COL19A1: variants seen among roughly 807,000 people sequenced by gnomAD.
COL19A1 encodes collagen alpha-1(XIX) chain.
COL19A1 carries 159 observed loss-of-function variants against 190.2 expected under a neutral mutation model. That is an observed-to-expected ratio of 0.84 (90% CI 0.73 to 0.95). COL19A1 has a LOEUF of 0.95. Among genes scored for constraint, COL19A1 ranks in the 40% least tolerant of loss-of-function variants. COL19A1 has a pLI of 0.00. For synonymous variants in COL19A1, 509 were observed against 458.9 expected, an observed-to-expected ratio of 1.11 and a Z score of -1.39; for missense variants, 1,418 against 1,431.9, an observed-to-expected ratio of 0.99 and a Z score of 0.16.
intron 14 of COL19A1, among the ~76,000 whole-genome samples, chr6:70,055,781 T>TAAAAAAAAA (rs55871207): frequency 0.019 from 2,198 of 116,386 alleles, 67 homozygotes; most frequent in African/African-American, 0.074. Context: ...AACTCTGTAT[T>TAAAAAAAAA]AAAAAAAAAA....
At chr6:69,910,845 T>C (rs1770864191) in intron 4 of COL19A1, among the ~76,000 whole-genome samples, 2 of 152,190 alleles carry the variant, frequency 1.3e-5, no homozygotes, top group Non-Finnish European at 2.9e-5. Context: ...ACTTCAGTCT[T>C]ATCTTTAATC....
At chr6:70,098,296 G>C (rs1783409838) in intron 15 of COL19A1, 5 of 397,382 alleles carry the variant, frequency 1.3e-5, no homozygotes, top group South Asian at 1.1e-4. Flanking sequence ...AAGTATCCTA[G>C]CTTAAGGAGT....
Position 70,184,913 on chromosome 6 carries a change from C to T in COL19A1, c.2854C>T (p.Arg952Cys), listed in dbSNP as rs756876459. The change falls in exon 46 of 51, where the codon CGT becomes TGT. Residue 952 changes from arginine to cysteine, a missense_variant and splice_region_variant. Transcript: ENST00000620364. ...KPGDRGPKGERGDQGIPGDRG... is the reference protein window; with the variant it reads ...KPGDRGPKGECGDQGIPGDRG... ...TGGAGACAGAGGCCCCAAAGGAGAA[C>T]GTGTATGTATATTACTATTGTGATT... is the stretch of plus-strand genomic sequence containing the variant. The T allele has an allele frequency of 6.2e-6, 10 of 1,611,996 alleles. No homozygotes were observed. The highest frequency in any genetic ancestry group is 5.5e-5 in the South Asian group (5 of 90,868).
chr6:69,918,523 T>C (rs1007470378), intron 4 of COL19A1, among the ~76,000 whole-genome samples: 10 of 151,882 alleles, frequency 6.6e-5, no homozygotes, highest in South Asian at 2.1e-4. Context: ...ATGGCGAAAT[T>C]CCATCTCTAC....
chr6:70,179,782 A>T (rs1273484605), intron 42 of COL19A1, among the ~76,000 whole-genome samples: 1 of 152,132 alleles, frequency 6.6e-6, no homozygotes, highest in Admixed American at 6.6e-5. Flanking sequence ...ATCCACACAA[A>T]TATATATTCG....
intron 14 of COL19A1, among the ~76,000 whole-genome samples, chr6:70,065,985 T>G: frequency 6.6e-6 from 1 of 152,138 alleles, no homozygotes; most frequent in East Asian, 1.9e-4. Context: ...ATAGGAACAC[T>G]TTTACACTGT....
chr6:69,897,431 T>TA (rs1333064622), intron 2 of COL19A1, among the ~76,000 whole-genome samples: 3 of 151,202 alleles, frequency 2.0e-5, no homozygotes, highest in Non-Finnish European at 4.4e-5. Context: ...TAGTTTCATG[T>TA]AAATTTGAGA....
chr6:69,881,704 A>G (rs1264118793), intron 2 of COL19A1, among the ~76,000 whole-genome samples: 1 of 152,240 alleles, frequency 6.6e-6, no homozygotes, highest in Non-Finnish European at 1.5e-5. Context: ...TTCACTTAAC[A>G]TGAAGCATTA....
chr6:69,947,242 A>G (rs1445735827), intron 9 of COL19A1, among the ~76,000 whole-genome samples: 10 of 151,930 alleles, frequency 6.6e-5, no homozygotes, highest in African/African-American at 2.4e-4. Flanking sequence ...ACATACTATA[A>G]TTAAAAATAT....
At chr6:69,878,703 TA>T (rs1768300679) in intron 1 of COL19A1, among the ~76,000 whole-genome samples, 1 of 152,226 alleles carries the variant, frequency 6.6e-6, no homozygotes, top group African/African-American at 2.4e-5. Context: ...CTTCTGATTC[TA>T]TATACCCAAA....
intron 18 of COL19A1, among the ~76,000 whole-genome samples, chr6:70,134,783 G>A (rs1442822347): frequency 6.6e-6 from 1 of 152,122 alleles, no homozygotes; most frequent in Non-Finnish European, 1.5e-5. Context: ...ATACTTCTAT[G>A]ACCAAATACA....
rs138919981 is a variant in COL19A1 at position 69,973,408 on chromosome 6, T to C, written c.1026+10538T>C. ...TGTTTGACTTACCTCCCATCAAGCCTGATTTCCACTTCAGGTTACTTTCTT... is the reference window on the plus strand; with the variant it reads ...TGTTTGACTTACCTCCCATCAAGCCCGATTTCCACTTCAGGTTACTTTCTT... On this transcript the variant is annotated intron_variant, in intron 11 of 50. Coordinates refer to ENST00000620364, the MANE Select transcript of COL19A1 (RefSeq NM_001858.6). Among the ~76,000 whole-genome samples, 156 of 152,328 alleles carry C rather than the reference T, an allele frequency of 1.0e-3. 2 individuals carry two copies. The East Asian group carries it at 0.027, about 27-fold the overall frequency.
chr6:69,951,623 A>G (rs982614032), intron 9 of COL19A1, among the ~76,000 whole-genome samples: 1 of 151,950 alleles, frequency 6.6e-6, no homozygotes, highest in Non-Finnish European at 1.5e-5. Context: ...TTCCTCACTT[A>G]TTATAAATAT....
In COL19A1 at chr6:70,144,190, A is replaced by G. The variant is rs2150237659; in HGVS notation, c.1627-20A>G. ...AGAGATGTTCTCATTACTCTTTCCTATTAACTCTGAGTTTTCTAGGGATTG... is the reference window on the plus strand; with the variant it reads ...AGAGATGTTCTCATTACTCTTTCCTGTTAACTCTGAGTTTTCTAGGGATTG... On this transcript the variant is annotated intron_variant, in intron 23 of 50. Coordinates refer to ENST00000620364, the MANE Select transcript of COL19A1 (RefSeq NM_001858.6). 6.2e-7 allele frequency: 1 copy of G among 1,606,802 alleles called. No individual in the cohort carries two copies. The highest frequency in any genetic ancestry group is 8.5e-7 in the Non-Finnish European group (1 of 1,174,482).
intron 2 of COL19A1, among the ~76,000 whole-genome samples, chr6:69,885,153 C>T (rs576280597): frequency 3.9e-5 from 6 of 152,280 alleles, no homozygotes; most frequent in South Asian, 2.1e-4. Context: ...CGTGAGCCAC[C>T]GCGCTGGGCC....
intron 2 of COL19A1, among the ~76,000 whole-genome samples, chr6:69,897,692 A>G (rs1401635039): frequency 1.3e-5 from 2 of 152,176 alleles, no homozygotes; most frequent in East Asian, 1.9e-4. Flanking sequence ...AAAAGTGACT[A>G]TTAATCCGAA....
chr6:69,973,436 A>AT (rs1775539670), intron 11 of COL19A1, among the ~76,000 whole-genome samples: 2 of 151,460 alleles, frequency 1.3e-5, no homozygotes, highest in Non-Finnish European at 2.9e-5. Flanking sequence ...ACTTTCTTTC[A>AT]TTTTTTCGCA....
intron 27 of COL19A1, among the ~76,000 whole-genome samples, chr6:70,147,513 A>G (rs754080038): frequency 6.6e-6 from 1 of 152,212 alleles, no homozygotes; most frequent in East Asian, 1.9e-4. Flanking sequence ...TTTGAACAAG[A>G]AAAGTGGAAA....
intron 2 of COL19A1, among the ~76,000 whole-genome samples, chr6:69,887,954 C>A (rs1397609510): frequency 6.6e-6 from 1 of 152,134 alleles, no homozygotes; most frequent in Non-Finnish European, 1.5e-5. Flanking sequence ...TCTCCAAGGA[C>A]CCCCTCTCAC....
Sources: allele counts gnomAD v4.1 joint callset (sites outside exome capture counted in the v4.1 genomes callset), GRCh38; gene constraint gnomAD v4.1.1; transcripts MANE v1.5; gene names NCBI Gene and HGNC (gene_info 2026-07-23, HGNC 2026-07-21).